Variants in OSBPL3 observed in about 807,000 individuals in gnomAD.
OSBPL3 encodes the protein oxysterol-binding protein-related protein 3.
A neutral mutation model predicts 120.1 loss-of-function variants in OSBPL3; 65 were observed. That is an observed-to-expected ratio of 0.54 (90% CI 0.44 to 0.67). The LOEUF is 0.67. Ranked by LOEUF, OSBPL3 falls within the 30% of genes least tolerant of loss-of-function variation. The pLI is 0.00. For missense variants in OSBPL3, 1,004 were observed against 1,082.1 expected (o/e 0.93, Z 1.01); for synonymous variants, 416 against 402.6 (o/e 1.03, Z -0.40).
chr7:24,957,969 C>T (rs1412371676), intron 1 of OSBPL3, among the ~76,000 whole-genome samples: 1 of 152,090 alleles, frequency 6.6e-6, no homozygotes, highest in Non-Finnish European at 1.5e-5. Context: ...GGAGGAAGCT[C>T]CCCCATTCTC....
intron 12 of OSBPL3, among the ~76,000 whole-genome samples, chr7:24,842,721 T>G (rs1173996349): frequency 2.6e-5 from 4 of 152,246 alleles, no homozygotes; most frequent in African/African-American, 9.6e-5. Context: ...GCTCTCTGAA[T>G]CATATCCTCT....
At chr7:24,837,638 G>C (rs1469250549) in intron 14 of OSBPL3, among the ~76,000 whole-genome samples, 1 of 152,140 alleles carries the variant, frequency 6.6e-6, no homozygotes, top group African/African-American at 2.4e-5. Flanking sequence ...CACATATCTT[G>C]CATTTTATTC....
chr7:24,943,122 G>A (rs147251878), intron 1 of OSBPL3, among the ~76,000 whole-genome samples: 2 of 152,304 alleles, frequency 1.3e-5, no homozygotes, highest in African/African-American at 4.8e-5. Flanking sequence ...ACATTATGCT[G>A]TAGATCATTA....
At position 24,980,085 on chromosome 7, in the gene OSBPL3, A is replaced by AC; in HGVS notation, c.-350dup. On this transcript the variant is annotated 5_prime_UTR_variant, in exon 1 of 23. Transcript: ENST00000313367. ...CTGCGGGGCCGGAGCCGCGCTGCGC[A>AC]CCGGCCGCGAAGCGCTCAAGTCCCC... The AC allele has an allele frequency of 1.0e-6, 1 of 982,442 alleles. No homozygotes were observed. Among genetic ancestry groups the AC allele is most frequent in the Non-Finnish European group, 1.2e-6 (1 of 827,500 alleles). The allele number at this position is 982,442 out of a possible 1,614,324, so 60.9% of individuals were successfully genotyped here. A position where few individuals can be genotyped will look rare whatever the true frequency, so the allele number is the denominator to read the frequency against.
rs532000528 is a variant in OSBPL3, at chr7:24,940,160, CA to C, written c.-150+39725del. On this transcript the variant is annotated intron_variant, in intron 1 of 22. Transcript: ENST00000313367. The surrounding 1 kb of genome is among the most constrained non-coding windows in gnomAD (Gnocchi z 4.4). ...TAATAAAGGTTTGAAATAGCTGCTA[CA>C]AAAAAAATGGGAAAGGGTTTGAACT... Among the ~76,000 whole-genome samples the C allele has an allele frequency of 1.3e-5, 2 of 151,308 alleles. No homozygotes were observed. The highest frequency in any genetic ancestry group is 3.0e-5 in the Non-Finnish European group (2 of 67,794).
In OSBPL3 at chr7:24,849,658, G is replaced by A. The variant is rs1297643415; in HGVS notation, c.1159-482C>T. ...ATCATACCCATTGAATCAGATTTTA[G>A]AAAGTGTGCTGGAGGCCGGGCAAGG... On this transcript the variant is annotated intron_variant, in intron 11 of 22. Transcript: ENST00000313367. The surrounding 1 kb of genome is among the most constrained non-coding windows in gnomAD (Gnocchi z 5.4). Among the ~76,000 whole-genome samples the A allele has an allele frequency of 6.6e-6, 1 of 152,138 alleles. No individual in the cohort carries two copies. The highest frequency in any genetic ancestry group is 2.4e-5 in the African/African-American group (1 of 41,420).
chr7:24,807,496 A>AAATAATAATAATAATAAT (rs147177707), intron 20 of OSBPL3, among the ~76,000 whole-genome samples: 1 of 150,780 alleles, frequency 6.6e-6, no homozygotes, highest in African/African-American at 2.4e-5. Context: ...TCCATCTCAA[A>AAATAATAATAATAATAAT]AATAATAATA....
At chr7:24,859,050 G>A (rs572540746) in intron 10 of OSBPL3, among the ~76,000 whole-genome samples, 24 of 152,164 alleles carry the variant, frequency 1.6e-4, no homozygotes, top group African/African-American at 4.3e-4. Flanking sequence ...GCCATTTCAC[G>A]GATGAACTGC....
Position 24,799,390 on chromosome 7 carries a change from C to T in OSBPL3, c.*793G>A, listed in dbSNP as rs1275493944. 1 of 152,186 alleles carries T rather than the reference C, an allele frequency of 6.6e-6. No homozygotes were observed. The highest frequency in any genetic ancestry group is 1.5e-5 in the Non-Finnish European group (1 of 68,032). 9.4% of individuals were successfully genotyped at this position (152,186 alleles called of 1,614,324 possible). Reference sequence around the variant, plus strand: ...GAAGCAGGAAACAGTCTCTTAACTTCTCAAGGACTCAGCTCTCACTAAGGA... The same window carrying T: ...GAAGCAGGAAACAGTCTCTTAACTTTTCAAGGACTCAGCTCTCACTAAGGA... On this transcript the variant is annotated 3_prime_UTR_variant, in exon 23 of 23. Coordinates refer to ENST00000313367, the MANE Select transcript of OSBPL3 (RefSeq NM_015550.4). This position sits in a 1 kb window ranked among gnomAD's most constrained non-coding sequence, Gnocchi z 5.3.
At position 24,900,219 on chromosome 7, in the gene OSBPL3, A is replaced by C. The variant is rs143121073; in HGVS notation, c.-149-7598T>G. Among the ~76,000 whole-genome samples the C allele has an allele frequency of 6.6e-6, 1 of 152,322 alleles. No individual in the cohort carries two copies. Among genetic ancestry groups the C allele is most frequent in the East Asian group, 1.9e-4 (1 of 5,190 alleles). ...TTTCACAAGTTCTCCAGGTGACCTG[A>C]ATGCACAAGTCCAAAACCACTGCCA... is the stretch of plus-strand genomic sequence containing the variant. On this transcript the variant is annotated intron_variant, in intron 1 of 22. Transcript: ENST00000313367. This position sits in a 1 kb window ranked among gnomAD's most constrained non-coding sequence, Gnocchi z 4.5.
rs1391174246 is a variant in OSBPL3, at chr7:24,967,695, T to C, written c.-150+12191A>G. Among the ~76,000 whole-genome samples, 1 of 152,208 alleles carries C rather than the reference T, an allele frequency of 6.6e-6. No homozygotes were observed. The highest frequency in any genetic ancestry group is 6.5e-5 in the Admixed American group (1 of 15,284). ...CCCTTCCCCTACCTACCTCTTGGCT[T>C]ACCTTCCCCAAGGTACTACAGGCTT... On this transcript the variant is annotated intron_variant, in intron 1 of 22. Coordinates refer to ENST00000313367, the MANE Select transcript of OSBPL3 (RefSeq NM_015550.4). The surrounding 1 kb of genome is among the most constrained non-coding windows in gnomAD (Gnocchi z 5.6).
rs1418397865 is a variant in OSBPL3 at position 24,898,342 on chromosome 7, G to A, written c.-149-5721C>T. On this transcript the variant is annotated intron_variant, in intron 1 of 22. Coordinates refer to ENST00000313367, the MANE Select transcript of OSBPL3 (RefSeq NM_015550.4). The surrounding 1 kb of genome is among the most constrained non-coding windows in gnomAD (Gnocchi z 4.3). ...GATCCAAAGGCACCCATACCTGACTGTTTCTGGGAGAGGAGTACTAAGTTT... is the reference window on the plus strand; with the variant it reads ...GATCCAAAGGCACCCATACCTGACTATTTCTGGGAGAGGAGTACTAAGTTT... Among the ~76,000 whole-genome samples, 2 of 152,194 alleles carry A rather than the reference G, an allele frequency of 1.3e-5. No individual in the cohort carries two copies. The highest frequency in any genetic ancestry group is 4.8e-5 in the African/African-American group (2 of 41,446).
intron 1 of OSBPL3, among the ~76,000 whole-genome samples, chr7:24,906,876 C>T (rs980528929): frequency 2.0e-5 from 3 of 152,136 alleles, no homozygotes; most frequent in Non-Finnish European, 4.4e-5. Context: ...AAAGCCTCTA[C>T]ACTGCTCCCT....
At chr7:24,914,366 T>A (rs1809260628) in intron 1 of OSBPL3, among the ~76,000 whole-genome samples, 1 of 151,998 alleles carries the variant, frequency 6.6e-6, no homozygotes, top group African/African-American at 2.4e-5. Context: ...TCCAGCCACT[T>A]GCCCCAGTGA....
chr7:24,826,379 C>T (rs1795708909), intron 16 of OSBPL3, among the ~76,000 whole-genome samples: 2 of 152,212 alleles, frequency 1.3e-5, no homozygotes, highest in South Asian at 2.1e-4. Flanking sequence ...AAAGGCCACA[C>T]CCCTGCCTAC....
rs367584899 is a variant in OSBPL3 at position 24,809,840 on chromosome 7, C to T, written c.2284G>A (p.Gly762Ser). The change falls in exon 20 of 23, where the codon GGC (glycine) becomes AGC (serine). Residue 762 changes from glycine (G) to serine (S), a missense_variant. Coordinates refer to ENST00000313367, the MANE Select transcript of OSBPL3 (RefSeq NM_015550.4). ...CATACACAGGCAGAAGAGGAGCCGC[C>T]GCCACAGTAGATGCTTTCATGCCAT... is the stretch of plus-strand genomic sequence containing the variant. Reference protein sequence around the residue: ...GKWHESIYCGGGSSSACVWRA... With the variant: ...GKWHESIYCGSGSSSACVWRA... 9.5e-5 allele frequency: 153 copies of T among 1,614,174 alleles called. No individual in the cohort carries two copies. Among genetic ancestry groups the T allele is most frequent in the Middle Eastern group, 6.6e-4 (4 of 6,062 alleles).
At chr7:24,850,488 G>A (rs1437706650) in intron 11 of OSBPL3, among the ~76,000 whole-genome samples, 5 of 152,182 alleles carry the variant, frequency 3.3e-5, no homozygotes, top group African/African-American at 1.2e-4. Context: ...CTGCAGGACC[G>A]ACCTGCTGAA....
chr7:24,981,673 G>A (rs1030690743), upstream of OSBPL3: 31 of 152,680 alleles, frequency 2.0e-4, no homozygotes, highest in African/African-American at 7.5e-4. The surrounding 1 kb of genome is among the most constrained non-coding windows in gnomAD (Gnocchi z 7.3). Context: ...GGCGGGCGAG[G>A]GCGGGAGGCG....
intron 12 of OSBPL3, among the ~76,000 whole-genome samples, chr7:24,847,480 A>G (rs1798590556): frequency 6.6e-6 from 1 of 152,230 alleles, no homozygotes; most frequent in African/African-American, 2.4e-5. Context: ...GACAGTGTAT[A>G]GCATTTCAGC....
Sources: gnomAD v4.1 joint callset for allele counts (sites outside exome capture counted in the v4.1 genomes callset) on GRCh38, gnomAD v4.1.1 for gene constraint, Gnocchi (gnomAD v3.1) non-coding constraint, MANE v1.5 for transcripts, NCBI Gene and HGNC (gene_info 2026-07-23, HGNC 2026-07-21) for gene names.